The following FBXO45 variants were observed in gnomAD, a reference collection of about 807,000 sequenced individuals.
The protein encoded by FBXO45 is F-box protein 45, also known as F-box/SPRY domain-containing protein 1.
A neutral mutation model predicts 25.5 loss-of-function variants in FBXO45; 3 were observed. The ratio of observed to expected loss-of-function variants is 0.12; its 90% CI spans 0.05 to 0.30. The LOEUF (loss-of-function observed/expected upper bound fraction) is 0.30, where lower values mean the gene tolerates loss of function less well. Ranked by LOEUF, FBXO45 falls within the 10% of genes least tolerant of loss-of-function variation. The probability of loss-of-function intolerance (pLI) is 1.00; values close to 1 mark genes in which losing one functional copy is unlikely to be tolerated. For synonymous variants in FBXO45, 155 were observed against 149.8 expected (o/e 1.03, Z -0.25); for missense variants, 219 against 365.0 (o/e 0.60, Z 3.26).
At position 196,579,294 on chromosome 3, in the gene FBXO45, G is replaced by A. The variant is rs58435298; in HGVS notation, c.675+1485G>A. ...AGCCTCAGTAATGACCTCAAGTCAG[G>A]CATACTAAAGCAGAAGAACCAAAAA... On this transcript the variant is annotated intron_variant, in intron 2 of 2. Coordinates refer to ENST00000311630, the MANE Select transcript of FBXO45 (RefSeq NM_001105573.2). 1.9e-3 allele frequency among the ~76,000 whole-genome samples: 297 copies of A among 152,308 alleles called. 10 individuals carry two copies. The East Asian group carries it at 0.054, about 28-fold the overall frequency.
chr3:196,573,115 G>A (rs185508452), intron 1 of FBXO45, among the ~76,000 whole-genome samples: 110 of 152,062 alleles, frequency 7.2e-4, no homozygotes, highest in Non-Finnish European at 4.4e-4. Flanking sequence ...TTTTTGTAGA[G>A]ATGTCTCATT....
In FBXO45 at chr3:196,569,440, C is replaced by T; in HGVS notation, c.318+138C>T. The stretch of plus-strand genomic sequence containing the variant: ...CCACGGCTCCAGTCAGTATCTTCCT[C>T]ACCTCCCCCCAAGATAAAGATTCTC... On this transcript the variant is annotated intron_variant, in intron 1 of 2. Transcript: ENST00000311630. This position sits in a 1 kb window ranked among gnomAD's most constrained non-coding sequence, Gnocchi z 4.1. 1 of 750,428 alleles carries T rather than the reference C, an allele frequency of 1.3e-6. No homozygotes were observed. The highest frequency in any genetic ancestry group is 2.1e-6 in the Non-Finnish European group (1 of 487,604). The allele number at this position is 750,428 out of a possible 1,614,324, so 46.5% of individuals were successfully genotyped here. A position where few individuals can be genotyped will look rare whatever the true frequency, so the allele number is the denominator to read the frequency against.
At chr3:196,579,395 CT>C (rs763411681) in intron 2 of FBXO45, among the ~76,000 whole-genome samples, 3 of 152,132 alleles carry the variant, frequency 2.0e-5, no homozygotes, top group African/African-American at 4.8e-5. Flanking sequence ...CTTTTAGGCT[CT>C]GCGGATACTA....
rs1735706899 is a variant in FBXO45 at position 196,568,908 on chromosome 3, G to C, written c.-77G>C. On this transcript the variant is annotated 5_prime_UTR_variant, in exon 1 of 3. Transcript: ENST00000311630. ...GTGAGCGAGCCGCTCCGGTCTCCGG[G>C]CGAGGCTTGGCCTTCCGAGCAGAGA... The C allele has an allele frequency of 1.0e-6, 1 of 967,126 alleles. No homozygotes were observed. The highest frequency in any genetic ancestry group is 6.1e-5 in the Admixed American group (1 of 16,286). The allele number at this position is 967,126 out of a possible 1,614,324, so 59.9% of individuals were successfully genotyped here. A position where few individuals can be genotyped will look rare whatever the true frequency, so the allele number is the denominator to read the frequency against.
chr3:196,580,719 T>A (rs991954279), intron 2 of FBXO45, among the ~76,000 whole-genome samples: 7 of 152,208 alleles, frequency 4.6e-5, no homozygotes, highest in African/African-American at 1.7e-4. Flanking sequence ...AAAACTATGT[T>A]CTTGTTTTTT....
chr3:196,578,046 CT>C lies in FBXO45; in HGVS notation c.675+250del, dbSNP rs775555553. Among the ~76,000 whole-genome samples, 67 of 94,018 alleles carry C rather than the reference CT, an allele frequency of 7.1e-4. 2 individuals carry two copies. The highest frequency in any genetic ancestry group is 1.5e-3 in the African/African-American group (33 of 21,578). The allele number at this position is 94,018 out of a possible 152,430, so 61.7% of individuals were successfully genotyped here. A position where few individuals can be genotyped will look rare whatever the true frequency, so the allele number is the denominator to read the frequency against. On this transcript the variant is annotated intron_variant, in intron 2 of 2. Coordinates refer to ENST00000311630, the MANE Select transcript of FBXO45 (RefSeq NM_001105573.2). Reference sequence around the variant, plus strand: ...GATTTTGGCTATGCAGAAAAATATTCTTTTTTTTTTTTTAGACAGAATCTCA... The same window carrying C: ...GATTTTGGCTATGCAGAAAAATATTCTTTTTTTTTTTTAGACAGAATCTCA...
Position 196,577,824 on chromosome 3 carries a change from T to G in FBXO45, c.675+15T>G, listed in dbSNP as rs1216178831. 6.5e-7 allele frequency: 1 copy of G among 1,536,160 alleles called. No individual in the cohort carries two copies. The highest frequency in any genetic ancestry group is 8.9e-7 in the Non-Finnish European group (1 of 1,125,830). On this transcript the variant is annotated intron_variant, in intron 2 of 2. Transcript: ENST00000311630. ...CAAAATATCAGGTGAGAAACTGGGGTTTTTCTCAAGTATGGGCCTTTGTCA... is the reference window on the plus strand; with the variant it reads ...CAAAATATCAGGTGAGAAACTGGGGGTTTTCTCAAGTATGGGCCTTTGTCA...
chr3:196,572,635 T>G (rs1735847972), intron 1 of FBXO45, among the ~76,000 whole-genome samples: 1 of 152,164 alleles, frequency 6.6e-6, no homozygotes, highest in South Asian at 2.1e-4. Flanking sequence ...GGAAGCCATT[T>G]TGAGTTGTAA....
chr3:196,588,651 A>G lies in FBXO45; in HGVS notation c.*4333A>G, dbSNP rs1485811480. ...TTTATTGATTATTTATTGGTGTCATATCGCCCCTAAACTGGGACAGGATCT... is the reference window on the plus strand; with the variant it reads ...TTTATTGATTATTTATTGGTGTCATGTCGCCCCTAAACTGGGACAGGATCT... On this transcript the variant is annotated 3_prime_UTR_variant, in exon 3 of 3. Coordinates refer to ENST00000311630, the MANE Select transcript of FBXO45 (RefSeq NM_001105573.2). The surrounding 1 kb of genome is among the most constrained non-coding windows in gnomAD (Gnocchi z 4.2). 1 of 152,196 alleles carries G rather than the reference A, an allele frequency of 6.6e-6. No individual in the cohort carries two copies. The highest frequency in any genetic ancestry group is 2.4e-5 in the African/African-American group (1 of 41,458). 9.4% of individuals were successfully genotyped at this position (152,196 alleles called of 1,614,324 possible).
At chr3:196,580,100 C>T (rs760948324) in intron 2 of FBXO45, among the ~76,000 whole-genome samples, 8 of 152,024 alleles carry the variant, frequency 5.3e-5, no homozygotes, top group Non-Finnish European at 1.2e-4. Context: ...TCAAGTGATT[C>T]TCCTGCCTCA....
intron 2 of FBXO45, among the ~76,000 whole-genome samples, chr3:196,583,658 T>C (rs1736056218): frequency 6.6e-6 from 1 of 152,164 alleles, no homozygotes; most frequent in Non-Finnish European, 1.5e-5. Context: ...AAAATCAATC[T>C]AGGTAGTGTT....
intron 2 of FBXO45, among the ~76,000 whole-genome samples, chr3:196,582,136 C>T (rs1031282375): frequency 5.3e-5 from 8 of 152,186 alleles, no homozygotes; most frequent in African/African-American, 1.9e-4. Context: ...GATGGTAAGA[C>T]TTCGCTTTCT....
In FBXO45 at chr3:196,569,311, GC is replaced by G; in HGVS notation, c.318+13del. 2 of 1,524,752 alleles carry G rather than the reference GC, an allele frequency of 1.3e-6. No homozygotes were observed. The highest frequency in any genetic ancestry group is 1.8e-6 in the Non-Finnish European group (2 of 1,126,066). The allele number at this position is 1,524,752 out of a possible 1,614,324, so 94.5% of individuals were successfully genotyped here. The stretch of plus-strand genomic sequence containing the variant: ...CCAGCTACAAGGCCAAGGTGAGAGA[GC>G]CCCGGGCCACACCGCTGCCCCCAGT... On this transcript the variant is annotated intron_variant, in intron 1 of 2. Transcript: ENST00000311630. This position sits in a 1 kb window ranked among gnomAD's most constrained non-coding sequence, Gnocchi z 4.1.
rs527941483 is a variant in FBXO45, at chr3:196,569,409, G to T, written c.318+107G>T. On this transcript the variant is annotated intron_variant, in intron 1 of 2. Coordinates refer to ENST00000311630, the MANE Select transcript of FBXO45 (RefSeq NM_001105573.2). The surrounding 1 kb of genome is among the most constrained non-coding windows in gnomAD (Gnocchi z 4.1). ...GTCAGAAGCTTCGCCTCACCAGCCC[G>T]CCTTTCCACGGCTCCAGTCAGTATC... 3.6e-5 allele frequency: 39 copies of T among 1,089,370 alleles called. No homozygotes were observed. The African/African-American group carries it at 5.8e-4, about 16-fold the overall frequency. 67.5% of individuals were successfully genotyped at this position (1,089,370 alleles called of 1,614,324 possible).
At position 196,569,451 on chromosome 3, in the gene FBXO45, A is replaced by C; in HGVS notation, c.318+149A>C. 3 of 693,668 alleles carry C rather than the reference A, an allele frequency of 4.3e-6. No individual in the cohort carries two copies. The highest frequency in any genetic ancestry group is 6.9e-6 in the Non-Finnish European group (3 of 437,526). 43.0% of individuals were successfully genotyped at this position (693,668 alleles called of 1,614,324 possible). On this transcript the variant is annotated intron_variant, in intron 1 of 2. Coordinates refer to ENST00000311630, the MANE Select transcript of FBXO45 (RefSeq NM_001105573.2). This position sits in a 1 kb window ranked among gnomAD's most constrained non-coding sequence, Gnocchi z 4.1. Reference sequence around the variant, plus strand: ...GTCAGTATCTTCCTCACCTCCCCCCAAGATAAAGATTCTCTTTTCTTTGGA... The same window carrying C: ...GTCAGTATCTTCCTCACCTCCCCCCCAGATAAAGATTCTCTTTTCTTTGGA...
chr3:196,575,149 T>C (rs1192674362), intron 1 of FBXO45, among the ~76,000 whole-genome samples: 2 of 152,094 alleles, frequency 1.3e-5, no homozygotes, highest in African/African-American at 4.8e-5. Flanking sequence ...AATAGGAAGA[T>C]GTCATAGAAG....
chr3:196,582,994 A>G (rs1219904311), intron 2 of FBXO45, among the ~76,000 whole-genome samples: 1 of 152,140 alleles, frequency 6.6e-6, no homozygotes, highest in African/African-American at 2.4e-5. Flanking sequence ...TCACCCCAAC[A>G]TAATCTCTAT....
chr3:196,573,989 G>T (rs1735872697), intron 1 of FBXO45, among the ~76,000 whole-genome samples: 1 of 147,784 alleles, frequency 6.8e-6, no homozygotes, highest in African/African-American at 2.5e-5. Flanking sequence ...CCAGGCTGGA[G>T]CGCAGTGGCA....
intron 1 of FBXO45, among the ~76,000 whole-genome samples, chr3:196,570,956 C>T (rs1170630616): frequency 6.6e-6 from 1 of 152,060 alleles, no homozygotes; most frequent in Non-Finnish European, 1.5e-5. Context: ...CGTGATCCGT[C>T]GCCTTGGCCT....
Sources: gnomAD v4.1 joint callset for allele counts (sites outside exome capture counted in the v4.1 genomes callset) on GRCh38, gnomAD v4.1.1 for gene constraint, Gnocchi (gnomAD v3.1) non-coding constraint, MANE v1.5 for transcripts, NCBI Gene and HGNC (gene_info 2026-07-23, HGNC 2026-07-21) for gene names.